Variants in CLPS observed in about 807,000 individuals in gnomAD.
CLPS encodes colipase, pancreatic.
In CLPS, 8 loss-of-function variants were observed where a neutral mutation model predicts 9.3. The observed-to-expected ratio is 0.86, with a 90% CI of 0.51 to 1.56. CLPS has a LOEUF of 1.56. CLPS is among the 40% of genes most tolerant of loss of function. The pLI is 0.00. For synonymous variants in CLPS, 61 were observed against 56.2 expected, an observed-to-expected ratio of 1.09 and a Z score of -0.39; for missense variants, 144 against 145.7, an observed-to-expected ratio of 0.99 and a Z score of 0.06.
intron 1 of CLPS, among the ~76,000 whole-genome samples, chr6:35,796,262 C>G (rs1421372244): frequency 6.6e-6 from 1 of 152,388 alleles, no homozygotes; most frequent in African/African-American, 2.4e-5. Flanking sequence ...CTCCTTCCTC[C>G]CCCAACAGAT....
chr6:35,796,324 A>G (rs1768367813), intron 1 of CLPS, among the ~76,000 whole-genome samples: 2 of 152,262 alleles, frequency 1.3e-5, no homozygotes, highest in Non-Finnish European at 2.9e-5. Context: ...CCATGGCCCC[A>G]AGTTAAGAGA....
chr6:35,797,315 G>A lies in CLPS; in HGVS notation c.-27C>T, dbSNP rs753617155. On this transcript the variant is annotated 5_prime_UTR_variant, in exon 1 of 3. Transcript: ENST00000259938. ...GTGAGTGGGACAGCTGGTGTGGGTGGCGGGAGACAGAGCCAGCTGTGGTGA... is the reference window on the plus strand; with the variant it reads ...GTGAGTGGGACAGCTGGTGTGGGTGACGGGAGACAGAGCCAGCTGTGGTGA... 4 of 1,606,726 alleles carry A rather than the reference G, an allele frequency of 2.5e-6. No homozygotes were observed. The highest frequency in any genetic ancestry group is 2.7e-5 in the African/African-American group (2 of 74,910).
intron 2 of CLPS, among the ~76,000 whole-genome samples, 186 bp from the exon 3 acceptor site, chr6:35,795,463 C>T (rs1581960807): frequency 1.3e-5 from 2 of 152,216 alleles, no homozygotes; most frequent in South Asian, 2.1e-4. Flanking sequence ...GGCTCATTTG[C>T]TCTTACTAGC....
intron 1 of CLPS, chr6:35,796,971 G>A (rs892799741): frequency 3.4e-6 from 2 of 580,886 alleles, no homozygotes; most frequent in Non-Finnish European, 6.1e-6. Context: ...CTCATAGCCA[G>A]GTTGAGCTGC....
chr6:35,796,954 A>G, intron 1 of CLPS: 1 of 544,460 alleles, frequency 1.8e-6, no homozygotes, highest in Non-Finnish European at 3.3e-6. Context: ...AAAGAAAAAA[A>G]AGGTCCCTCA....
At position 35,795,003 on chromosome 6, in the gene CLPS, A is replaced by T; in HGVS notation, c.*143T>A. 1 of 1,201,014 alleles carries T rather than the reference A, an allele frequency of 8.3e-7. No individual in the cohort carries two copies. Among genetic ancestry groups the T allele is most frequent in the Non-Finnish European group, 1.2e-6 (1 of 868,510 alleles). 74.4% of individuals were successfully genotyped at this position (1,201,014 alleles called of 1,614,324 possible). A position where few individuals can be genotyped will look rare whatever the true frequency, so the allele number is the denominator to read the frequency against. On this transcript the variant is annotated 3_prime_UTR_variant, in exon 3 of 3. Transcript: ENST00000259938. ...TGGGAAAGGTTTGCAGGAGGCCTTT[A>T]ATTGTGAAGAGCGCAATCAGAAAAC... is the stretch of plus-strand genomic sequence containing the variant.
At chr6:35,796,992 A>G (rs1209543372) in intron 1 of CLPS, 7 of 593,558 alleles carry the variant, frequency 1.2e-5, no homozygotes, top group Admixed American at 3.0e-5. Flanking sequence ...TGCTCTGAGC[A>G]TGCTCCAGTT....
At chr6:35,796,932 C>G in intron 1 of CLPS, 2 of 469,344 alleles carry the variant, frequency 4.3e-6, no homozygotes, top group South Asian at 4.4e-5. Context: ...GACTCCGTTT[C>G]AAAAAGAAAA....
chr6:35,796,388 C>A (rs6457855), intron 1 of CLPS, among the ~76,000 whole-genome samples: 1 of 152,030 alleles, frequency 6.6e-6, no homozygotes, highest in East Asian at 1.9e-4. Flanking sequence ...CCAGCCAAGA[C>A]CCATGGTGGA....
chr6:35,797,303 C>T lies in CLPS; in HGVS notation c.-15G>A. On this transcript the variant is annotated 5_prime_UTR_variant, in exon 1 of 3. Coordinates refer to ENST00000259938, the MANE Select transcript of CLPS (RefSeq NM_001832.4). ...ATCTTCTCCATGGTGAGTGGGACAGCTGGTGTGGGTGGCGGGAGACAGAGC... is the reference window on the plus strand; with the variant it reads ...ATCTTCTCCATGGTGAGTGGGACAGTTGGTGTGGGTGGCGGGAGACAGAGC... 1 of 1,612,836 alleles carries T rather than the reference C, an allele frequency of 6.2e-7. No homozygotes were observed. The highest frequency in any genetic ancestry group is 8.5e-7 in the Non-Finnish European group (1 of 1,179,196).
At chr6:35,795,881 C>T (rs1313641089) in intron 1 of CLPS, 28 bp from the exon 2 acceptor site, 6 of 1,610,330 alleles carry the variant, frequency 3.7e-6, no homozygotes, top group Non-Finnish European at 5.1e-6. Flanking sequence ...TCAGCCCAGG[C>T]CCCACTCCCT....
At chr6:35,796,810 T>C (rs1581962147) in intron 1 of CLPS, 2 of 455,744 alleles carry the variant, frequency 4.4e-6, no homozygotes, top group South Asian at 1.6e-5. Flanking sequence ...GGCAGGCACC[T>C]GTAATCCCAG....
At chr6:35,795,929 A>C (rs1426733045) in intron 1 of CLPS, 76 bp from the exon 2 acceptor site, 44 of 1,579,668 alleles carry the variant, frequency 2.8e-5, no homozygotes, top group Non-Finnish European at 1.7e-6. Context: ...CCCACCACAC[A>C]CTACCACTAA....
intron 1 of CLPS, 69 bp downstream of exon 1, chr6:35,797,136 G>C: frequency 7.0e-7 from 1 of 1,423,582 alleles, no homozygotes; most frequent in Non-Finnish European, 9.9e-7. Flanking sequence ...GACATCAGAG[G>C]TCAAGGTCCA....
intron 1 of CLPS, among the ~76,000 whole-genome samples, chr6:35,796,449 T>C (rs1036370170): frequency 5.3e-5 from 8 of 152,282 alleles, no homozygotes; most frequent in South Asian, 2.1e-4. Context: ...TTTCCAGCTA[T>C]GTGACCTCAG....
chr6:35,795,902 C>T, intron 1 of CLPS, 49 bp from the exon 2 acceptor site: 1 of 1,607,222 alleles, frequency 6.2e-7, no homozygotes, highest in Non-Finnish European at 8.5e-7. Context: ...CAGGTCCCTT[C>T]TCCATTCAGA....
In CLPS at chr6:35,795,797, A is replaced by G; in HGVS notation, c.141T>C (p.His47=). The G allele has an allele frequency of 6.2e-7, 1 of 1,613,316 alleles. No homozygotes were observed. The highest frequency in any genetic ancestry group is 8.5e-7 in the Non-Finnish European group (1 of 1,180,024). The change falls in exon 2 of 3, where the codon CAT becomes CAC. Residue 47 remains histidine (H), a synonymous_variant. Transcript: ENST00000259938. ...AGCGGGCCAGGCCCAGCGCACTTGAATGCTGGCAGCAATTGCTCTTACACT... is the reference window on the plus strand; with the variant it reads ...AGCGGGCCAGGCCCAGCGCACTTGAGTGCTGGCAGCAATTGCTCTTACACT... ...SAQCKSNCCQ[H]SSALGLARCT... is the part of the protein sequence containing the mutation.
chr6:35,796,945 A>AAG, intron 1 of CLPS: 1 of 495,540 alleles, frequency 2.0e-6, no homozygotes, highest in South Asian at 2.1e-5. Flanking sequence ...AAAGAAAAAA[A>AAG]AGAAAAAAAA....
chr6:35,795,320 C>T, intron 2 of CLPS, 43 bp from the exon 3 acceptor site: 2 of 1,599,528 alleles, frequency 1.3e-6, no homozygotes, highest in Non-Finnish European at 8.5e-7. Flanking sequence ...TGGGGAGATA[C>T]TTTGGACATC....
Sources: gnomAD v4.1 joint callset for allele counts (sites outside exome capture counted in the v4.1 genomes callset) on GRCh38, gnomAD v4.1.1 for gene constraint, MANE v1.5 for transcripts, NCBI Gene and HGNC (gene_info 2026-07-23, HGNC 2026-07-21) for gene names.